SLC5A12: variants seen among roughly 807,000 people sequenced by gnomAD.
SLC5A12 encodes sodium-coupled monocarboxylate transporter 2.
Under a neutral mutation model 72.7 loss-of-function variants are expected in SLC5A12, and 46 were observed. That is an observed-to-expected ratio of 0.63 (90% CI 0.50 to 0.81). The LOEUF is 0.81. Ranked by LOEUF, SLC5A12 falls within the 30% of genes least tolerant of loss-of-function variation. The pLI is 0.00. For synonymous variants in SLC5A12, 275 were observed against 264.4 expected (o/e 1.04, Z -0.39); for missense variants, 683 against 740.7 (o/e 0.92, Z 0.90).
chr11:26,698,528 A>G lies in SLC5A12; in HGVS notation c.829T>C (p.Tyr277His), dbSNP rs201480919. 7.9e-5 allele frequency: 128 copies of G among 1,613,978 alleles called. No homozygotes were observed. Among genetic ancestry groups the G allele is most frequent in the Non-Finnish European group, 1.1e-4 (127 of 1,179,894 alleles). ...ATCCAGAGACCCAGCAAGTTAAAAT[A>G]CAAGGCACTAGAAAAGAGCACATGG... ...KTEKHAKLAL[Y>H]FNLLGLWIIL... Residue 277 changes from tyrosine (Y) to histidine (H), a missense_variant, in exon 7 of 15, where the codon TAT becomes CAT. Tyr to His is a moderately conservative substitution (Grantham distance 83, BLOSUM62 2). Coordinates refer to ENST00000396005, the MANE Select transcript of SLC5A12 (RefSeq NM_178498.4).
At position 26,669,187 on chromosome 11, in the gene SLC5A12, T is replaced by TTTCTTTCTTTCTTTCTTTC. The variant is rs1854073553; in HGVS notation, c.*1914_*1915insGAAAGAAAGAAAGAAAGAA. 8.8e-4 allele frequency: 98 copies of TTTCTTTCTTTCTTTCTTTC among 110,912 alleles called. 10 individuals carry two copies. The highest frequency in any genetic ancestry group is 1.0e-3 in the Non-Finnish European group (52 of 50,842). The allele number at this position is 110,912 out of a possible 1,614,324, so 6.9% of individuals were successfully genotyped here. A position where few individuals can be genotyped will look rare whatever the true frequency, so the allele number is the denominator to read the frequency against. On this transcript the variant is annotated 3_prime_UTR_variant, in exon 15 of 15. Transcript: ENST00000396005. ...TGTCTTTTTCTTTCTTTCTTTCTTCTTTTCTTTCTTTCTTTCTTTCTTTCT... is the reference window on the plus strand; with the variant it reads ...TGTCTTTTTCTTTCTTTCTTTCTTCTTTCTTTCTTTCTTTCTTTCTTTCTTTCTTTCTTTCTTTCTTTCT...
At chr11:26,682,919 C>T (rs1416059547) in intron 11 of SLC5A12, among the ~76,000 whole-genome samples, 1 of 151,940 alleles carries the variant, frequency 6.6e-6, no homozygotes, top group Non-Finnish European at 1.5e-5. Flanking sequence ...TTTACTTAGC[C>T]CCACAGGATT....
chr11:26,719,853 T>G (rs974134962), intron 1 of SLC5A12, among the ~76,000 whole-genome samples: 1 of 152,218 alleles, frequency 6.6e-6, no homozygotes, highest in Non-Finnish European at 1.5e-5. Flanking sequence ...CAGGACAGCA[T>G]AGTTATTTAG....
At chr11:26,702,132 G>A (rs1032733540) in intron 6 of SLC5A12, among the ~76,000 whole-genome samples, 5 of 152,004 alleles carry the variant, frequency 3.3e-5, no homozygotes, top group East Asian at 1.9e-4. Context: ...TGAAATTTTC[G>A]GATCAAAGTC....
intron 6 of SLC5A12, among the ~76,000 whole-genome samples, chr11:26,698,917 A>G (rs1226316028): frequency 6.6e-6 from 1 of 152,188 alleles, no homozygotes; most frequent in African/African-American, 2.4e-5. Context: ...CAAAAAGGCA[A>G]CTTACATTTT....
chr11:26,683,706 G>A, intron 11 of SLC5A12, 51 bp downstream of exon 11: 1 of 1,461,932 alleles, frequency 6.8e-7, no homozygotes. Context: ...AGAGAAAACG[G>A]CTGGGCCCAG....
At chr11:26,702,640 A>C (rs1425296566) in intron 6 of SLC5A12, among the ~76,000 whole-genome samples, 1 of 152,128 alleles carries the variant, frequency 6.6e-6, no homozygotes, top group Admixed American at 6.6e-5. Context: ...TGGAAAATGC[A>C]TGAGGCTTGT....
intron 1 of SLC5A12, among the ~76,000 whole-genome samples, chr11:26,715,016 G>A (rs1369574961): frequency 1.8e-5 from 1 of 56,260 alleles, no homozygotes; most frequent in Non-Finnish European, 7.4e-5. Flanking sequence ...AATATCATAA[G>A]GTAGAAAACA....
At chr11:26,685,429 G>A (rs1336505525) in intron 10 of SLC5A12, among the ~76,000 whole-genome samples, 7 of 152,042 alleles carry the variant, frequency 4.6e-5, no homozygotes. Flanking sequence ...AGACCAGTCT[G>A]GCAAATATGG....
At chr11:26,708,201 T>C (rs1168238280) in intron 4 of SLC5A12, among the ~76,000 whole-genome samples, 1 of 152,038 alleles carries the variant, frequency 6.6e-6, no homozygotes, top group African/African-American at 2.4e-5. Flanking sequence ...GATACCTTTT[T>C]CAAGGCAAGC....
intron 6 of SLC5A12, among the ~76,000 whole-genome samples, chr11:26,702,985 C>CTTGCT (rs1377854639): frequency 6.6e-6 from 1 of 152,166 alleles, no homozygotes; most frequent in African/African-American, 2.4e-5. Flanking sequence ...CAATCAAATA[C>CTTGCT]TTGCTTTGCT....
At chr11:26,674,933 G>A (rs900818051) in intron 13 of SLC5A12, among the ~76,000 whole-genome samples, 1 of 152,172 alleles carries the variant, frequency 6.6e-6, no homozygotes, top group Admixed American at 6.6e-5. Context: ...AGGAAATGGT[G>A]AACTTTTCTA....
chr11:26,696,452 A>C (rs1227903444), intron 8 of SLC5A12, among the ~76,000 whole-genome samples: 3 of 152,220 alleles, frequency 2.0e-5, no homozygotes, highest in African/African-American at 4.8e-5. Context: ...ATTGGTTAAT[A>C]GCAAGGCTGT....
chr11:26,692,663 C>A (rs948247772), intron 8 of SLC5A12, 62 bp from the exon 9 acceptor site: 2 of 1,188,184 alleles, frequency 1.7e-6, no homozygotes, highest in African/African-American at 3.0e-5. Context: ...ACCAGCCTGC[C>A]CTCTTGTCCA....
intron 13 of SLC5A12, among the ~76,000 whole-genome samples, chr11:26,675,805 G>A (rs1201543146): frequency 6.6e-6 from 1 of 152,096 alleles, no homozygotes; most frequent in Non-Finnish European, 1.5e-5. Flanking sequence ...CAGAAGTCCT[G>A]AGTATAAGAC....
In SLC5A12 at chr11:26,667,091, CATCA is replaced by C. The variant is rs1268457972; in HGVS notation, c.*4007_*4010del. The C allele has an allele frequency of 2.0e-5, 3 of 151,788 alleles. No individual in the cohort carries two copies. The highest frequency in any genetic ancestry group is 1.3e-4 in the Admixed American group (2 of 15,194). 9.4% of individuals were successfully genotyped at this position (151,788 alleles called of 1,614,324 possible). On this transcript the variant is annotated 3_prime_UTR_variant, in exon 15 of 15. Transcript: ENST00000396005. ...TCATTTTCATGTGTACCATTGATGA[CATCA>C]ATTAAATTTTAGTTATTTGAAAATA... is the stretch of plus-strand genomic sequence containing the variant.
rs779179946 is a variant in SLC5A12, at chr11:26,669,211, CTT to C, written c.*1889_*1890del. On this transcript the variant is annotated 3_prime_UTR_variant, in exon 15 of 15. Transcript: ENST00000396005. ...CTTTTCTTTCTTTCTTTCTTTCTTT[CTT>C]TCTTTCTCTCTCTCCCTCCCTCTTT... 3 of 107,966 alleles carry C rather than the reference CTT, an allele frequency of 2.8e-5. No homozygotes were observed. The highest frequency in any genetic ancestry group is 3.7e-5 in the Non-Finnish European group (2 of 54,164). 6.7% of individuals were successfully genotyped at this position (107,966 alleles called of 1,614,324 possible).
intron 14 of SLC5A12, among the ~76,000 whole-genome samples, chr11:26,671,876 A>G (rs1854152144): frequency 6.6e-6 from 1 of 152,152 alleles, no homozygotes; most frequent in South Asian, 2.1e-4. Context: ...ATTTATACAA[A>G]CAATAGGCTG....
At chr11:26,688,713 G>T (rs1854594972) in intron 9 of SLC5A12, among the ~76,000 whole-genome samples, 1 of 152,112 alleles carries the variant, frequency 6.6e-6, no homozygotes, top group Non-Finnish European at 1.5e-5. Flanking sequence ...CAAGTCAAGA[G>T]AAAACAAGAT....
Sources: allele counts gnomAD v4.1 joint callset (sites outside exome capture counted in the v4.1 genomes callset), GRCh38; gene constraint gnomAD v4.1.1; transcripts MANE v1.5; gene names NCBI Gene and HGNC (gene_info 2026-07-23, HGNC 2026-07-21).